The following NFIA variants were observed in gnomAD, a reference collection of about 807,000 sequenced individuals.
NFIA encodes nuclear factor I A, also known as nuclear factor 1 A-type.
In NFIA, 8 loss-of-function variants were observed where a neutral mutation model predicts 62.8. The ratio of observed to expected loss-of-function variants is 0.13; its 90% CI spans 0.07 to 0.23. NFIA has a LOEUF of 0.23. Ranked by LOEUF, NFIA falls within the 10% of genes least tolerant of loss-of-function variation. The pLI, the probability that NFIA is intolerant of heterozygous loss-of-function variation, is 1.00. For synonymous variants in NFIA, 235 were observed against 238.1 expected (o/e 0.99, Z 0.12); for missense variants, 410 against 642.1 (o/e 0.64, Z 3.91).
At chr1:61,183,590 T>G (rs755160267) in intron 2 of NFIA, among the ~76,000 whole-genome samples, 1 of 152,224 alleles carries the variant, frequency 6.6e-6, no homozygotes, top group Non-Finnish European at 1.5e-5. Flanking sequence ...TCAGATGTGA[T>G]CTTTTGCTGG....
intron 2 of NFIA, among the ~76,000 whole-genome samples, chr1:61,120,721 G>C (rs938012384): frequency 1.3e-5 from 2 of 152,154 alleles, no homozygotes; most frequent in East Asian, 3.9e-4. Flanking sequence ...TTAACAATCT[G>C]CAGTTAAGTC....
intron 10 of NFIA, among the ~76,000 whole-genome samples, chr1:61,451,608 C>A (rs777791409): frequency 2.6e-5 from 4 of 152,192 alleles, no homozygotes; most frequent in African/African-American, 4.8e-5. Flanking sequence ...ATGTTACCGA[C>A]TAATTTTACG....
chr1:61,162,135 T>C (rs1570291031), intron 2 of NFIA, among the ~76,000 whole-genome samples: 1 of 152,156 alleles, frequency 6.6e-6, no homozygotes, highest in East Asian at 1.9e-4. Flanking sequence ...TTGAAAAGTA[T>C]GCGAGTACTG....
At chr1:61,451,191 C>T (rs2100588504) in intron 10 of NFIA, among the ~76,000 whole-genome samples, 1 of 152,286 alleles carries the variant, frequency 6.6e-6, no homozygotes, top group Middle Eastern at 3.4e-3. Flanking sequence ...AACCTGACTA[C>T]TGTGAGTATT....
intron 6 of NFIA, among the ~76,000 whole-genome samples, chr1:61,359,807 AT>A (rs1663185127): frequency 6.6e-6 from 1 of 151,938 alleles, no homozygotes; most frequent in Non-Finnish European, 1.5e-5. Flanking sequence ...CAATTTTTGT[AT>A]TTTTAAAAGA....
At chr1:61,365,375 A>G (rs1200300330) in intron 6 of NFIA, among the ~76,000 whole-genome samples, 2 of 152,156 alleles carry the variant, frequency 1.3e-5, no homozygotes, top group African/African-American at 4.8e-5. Context: ...TTAACTTTAA[A>G]TGTCACGCTC....
At chr1:61,426,360 T>G (rs1666867191) in intron 9 of NFIA, 105 bp from the exon 10 acceptor site, 3 of 765,792 alleles carry the variant, frequency 3.9e-6, no homozygotes, top group African/African-American at 1.7e-5. Context: ...TTTGCACATT[T>G]CCTTGTTAAT....
At chr1:61,220,229 A>AT (rs1213733659) in intron 2 of NFIA, among the ~76,000 whole-genome samples, 1 of 151,982 alleles carries the variant, frequency 6.6e-6, no homozygotes, top group African/African-American at 2.4e-5. Context: ...AACCCATGAG[A>AT]TTTTAACTCT....
At chr1:61,234,995 C>T (rs143509103) in intron 2 of NFIA, among the ~76,000 whole-genome samples, 1 of 152,282 alleles carries the variant, frequency 6.6e-6, no homozygotes, top group Admixed American at 6.5e-5. Flanking sequence ...CTGGTAGGTC[C>T]TGTCTTGATC....
At chr1:61,095,872 G>C (rs753048989) in intron 2 of NFIA, among the ~76,000 whole-genome samples, 6 of 152,124 alleles carry the variant, frequency 3.9e-5, no homozygotes, top group Middle Eastern at 3.4e-3. Context: ...TTACTATGCA[G>C]ATTTTTGTAC....
intron 2 of NFIA, among the ~76,000 whole-genome samples, chr1:61,162,498 T>C (rs761906610): frequency 6.6e-6 from 1 of 152,194 alleles, no homozygotes; most frequent in Non-Finnish European, 1.5e-5. Flanking sequence ...GGCTGTGTTC[T>C]TTTACCCAAG....
chr1:61,389,417 A>G lies in NFIA; in HGVS notation c.1075+6052A>G, dbSNP rs145963107. On this transcript the variant is annotated intron_variant, in intron 7 of 10. Coordinates refer to ENST00000403491, the MANE Select transcript of NFIA (RefSeq NM_001134673.4). The stretch of plus-strand genomic sequence containing the variant: ...GCTGGAAACTCCAAATTTTTAGCTG[A>G]GCATATGGCCACTCTCTATAAAATT... Among the ~76,000 whole-genome samples the G allele has an allele frequency of 2.4e-3, 370 of 152,328 alleles. 1 individual carries two copies. Among genetic ancestry groups the G allele is most frequent in the African/African-American group, 8.0e-3 (334 of 41,570 alleles).
intron 3 of NFIA, among the ~76,000 whole-genome samples, chr1:61,279,660 C>T (rs189636982): frequency 1.3e-5 from 2 of 152,184 alleles, no homozygotes; most frequent in Non-Finnish European, 2.9e-5. Context: ...GTGTGTAGTT[C>T]GCGTATTTAG....
At chr1:61,383,117 TCATTCACAGGTGGA>T in intron 6 of NFIA, 106 bp from the exon 7 acceptor site, 1 of 1,273,446 alleles carries the variant, frequency 7.9e-7, no homozygotes, top group Non-Finnish European at 1.1e-6. Context: ...AACATCTTTT[TCATTCACAGGTGGA>T]TTTCTCTTTT....
intron 10 of NFIA, among the ~76,000 whole-genome samples, chr1:61,445,808 T>C (rs984591062): frequency 4.6e-5 from 7 of 152,206 alleles, no homozygotes; most frequent in African/African-American, 1.7e-4. Flanking sequence ...TCGTTTTGTA[T>C]TTTTAACTTT....
intron 3 of NFIA, among the ~76,000 whole-genome samples, chr1:61,284,538 G>C (rs1222296278): frequency 6.6e-6 from 1 of 151,516 alleles, no homozygotes; most frequent in African/African-American, 2.4e-5. Context: ...ACGGGATCCA[G>C]TGTACTTAAG....
chr1:61,162,223 G>T (rs925567335), intron 2 of NFIA, among the ~76,000 whole-genome samples: 2 of 152,230 alleles, frequency 1.3e-5, no homozygotes, highest in East Asian at 3.9e-4. Context: ...CCCCTAGAGC[G>T]AGGAGTCACC....
At chr1:61,451,911 A>G (rs1200110753) in intron 10 of NFIA, among the ~76,000 whole-genome samples, 1 of 152,212 alleles carries the variant, frequency 6.6e-6, no homozygotes, top group East Asian at 1.9e-4. Context: ...TTTTTGTTTA[A>G]TGTGTTACCA....
chr1:61,296,784 A>G (rs1203122704), intron 3 of NFIA, among the ~76,000 whole-genome samples: 1 of 152,238 alleles, frequency 6.6e-6, no homozygotes, highest in Admixed American at 6.5e-5. Flanking sequence ...TTTCATAGAA[A>G]GAAAACCTCT....
Sources: allele counts gnomAD v4.1 joint callset (sites outside exome capture counted in the v4.1 genomes callset), GRCh38; gene constraint gnomAD v4.1.1; transcripts MANE v1.5; gene names NCBI Gene and HGNC (gene_info 2026-07-23, HGNC 2026-07-21).